KANSL1L: variants seen among roughly 807,000 people sequenced by gnomAD.
KANSL1L encodes KAT8 regulatory NSL complex subunit 1-like protein.
Under a neutral mutation model 108.6 loss-of-function variants are expected in KANSL1L, and 25 were observed. That is an observed-to-expected ratio of 0.23 (90% CI 0.17 to 0.32). The LOEUF is 0.32. KANSL1L is among the 10% of genes least tolerant of loss of function. The pLI is 1.00. For missense variants in KANSL1L, 1,137 were observed against 1,125.7 expected (o/e 1.01, Z -0.14); for synonymous variants, 405 against 395.1 (o/e 1.03, Z -0.30).
chr2:210,085,923 TTAA>T (rs1419695738), intron 5 of KANSL1L, among the ~76,000 whole-genome samples: 12 of 149,738 alleles, frequency 8.0e-5, no homozygotes, highest in African/African-American at 2.7e-4. Flanking sequence ...TAAATATTTA[TTAA>T]TAATTATTAT....
chr2:210,045,375 T>C (rs1460095494), intron 6 of KANSL1L, among the ~76,000 whole-genome samples: 3 of 152,226 alleles, frequency 2.0e-5, no homozygotes, highest in Admixed American at 6.5e-5. Context: ...ATACAAATTA[T>C]TCCTTTTACC....
At chr2:210,155,703 C>T (rs2095329360) in intron 1 of KANSL1L, among the ~76,000 whole-genome samples, 1 of 152,094 alleles carries the variant, frequency 6.6e-6, no homozygotes, top group Admixed American at 6.5e-5. Flanking sequence ...AAAGGCAACC[C>T]AGTACCCTTA....
intron 6 of KANSL1L, among the ~76,000 whole-genome samples, chr2:210,073,496 G>C (rs1048897197): frequency 2.0e-5 from 3 of 150,830 alleles, no homozygotes; most frequent in Non-Finnish European, 4.4e-5. Flanking sequence ...AGGAGTTCAA[G>C]ACCAGCCTGG....
At chr2:210,042,039 T>C (rs892961008) in intron 7 of KANSL1L, among the ~76,000 whole-genome samples, 5 of 152,236 alleles carry the variant, frequency 3.3e-5, no homozygotes, top group African/African-American at 9.6e-5. Context: ...TTTGTTGCAT[T>C]TGTTTCTCCA....
At chr2:210,124,106 G>A (rs971167057) in intron 3 of KANSL1L, among the ~76,000 whole-genome samples, 9 of 152,006 alleles carry the variant, frequency 5.9e-5, no homozygotes, top group African/African-American at 2.2e-4. Flanking sequence ...CAACTAGATG[G>A]AAGATAAGTA....
intron 3 of KANSL1L, among the ~76,000 whole-genome samples, chr2:210,110,202 T>C (rs1376452191): frequency 6.6e-6 from 1 of 152,212 alleles, no homozygotes; most frequent in Non-Finnish European, 1.5e-5. Flanking sequence ...GGGATTCTCA[T>C]AAGCTATTAA....
chr2:210,140,472 T>C (rs2095217780), intron 2 of KANSL1L, among the ~76,000 whole-genome samples: 1 of 152,206 alleles, frequency 6.6e-6, no homozygotes, highest in African/African-American at 2.4e-5. Context: ...CATAAATGCA[T>C]GGATTTATTT....
chr2:210,121,757 T>G (rs950691849), intron 3 of KANSL1L, among the ~76,000 whole-genome samples: 1 of 152,216 alleles, frequency 6.6e-6, no homozygotes, highest in Non-Finnish European at 1.5e-5. Flanking sequence ...AAATTATCCT[T>G]GTTTGCACGT....
intron 2 of KANSL1L, among the ~76,000 whole-genome samples, chr2:210,139,544 A>T (rs2095208164): frequency 6.6e-6 from 1 of 152,094 alleles, no homozygotes; most frequent in Non-Finnish European, 1.5e-5. Flanking sequence ...GTTTCCTTTT[A>T]TCTGTATCCT....
At chr2:210,087,409 T>C (rs2094648350) in intron 5 of KANSL1L, among the ~76,000 whole-genome samples, 1 of 152,118 alleles carries the variant, frequency 6.6e-6, no homozygotes, top group South Asian at 2.1e-4. Context: ...TCTATCACAT[T>C]GGTTATCTGA....
intron 5 of KANSL1L, 43 bp from the exon 6 acceptor site, chr2:210,075,799 A>G: frequency 2.2e-6 from 3 of 1,371,082 alleles, no homozygotes; most frequent in Non-Finnish European, 3.1e-6. Flanking sequence ...AGGGAATAAA[A>G]CAAAACAAAA....
chr2:210,070,819 ATATG>A (rs1352699265), intron 6 of KANSL1L, among the ~76,000 whole-genome samples: 3 of 152,142 alleles, frequency 2.0e-5, no homozygotes, highest in African/African-American at 7.2e-5. Flanking sequence ...TTGCTCTGTT[ATATG>A]TATATGTAAT....
At chr2:210,100,411 A>C (rs910363233) in intron 4 of KANSL1L, among the ~76,000 whole-genome samples, 3 of 152,226 alleles carry the variant, frequency 2.0e-5, no homozygotes. Flanking sequence ...TTATCTAACA[A>C]TGCAAGCATT....
At chr2:210,150,829 G>A (rs1210999191) in intron 2 of KANSL1L, among the ~76,000 whole-genome samples, 4 of 150,596 alleles carry the variant, frequency 2.7e-5, no homozygotes, top group Middle Eastern at 6.9e-3. Flanking sequence ...GAAATTATCA[G>A]AAAGTGCAAA....
intron 5 of KANSL1L, among the ~76,000 whole-genome samples, chr2:210,076,128 T>C (rs1396324215): frequency 6.6e-6 from 1 of 152,134 alleles, no homozygotes; most frequent in Non-Finnish European, 1.5e-5. Flanking sequence ...AGATTACAGG[T>C]TTTTAAAAGA....
At chr2:210,111,536 G>A (rs541913780) in intron 3 of KANSL1L, among the ~76,000 whole-genome samples, 1 of 152,216 alleles carries the variant, frequency 6.6e-6, no homozygotes, top group South Asian at 2.1e-4. Context: ...GAAGGTTATA[G>A]AAATGTCCTA....
At chr2:210,108,277 T>C (rs954827010) in intron 3 of KANSL1L, among the ~76,000 whole-genome samples, 7 of 152,118 alleles carry the variant, frequency 4.6e-5, no homozygotes, top group African/African-American at 1.7e-4. Flanking sequence ...ATAAACATAA[T>C]GATATTCTTA....
intron 6 of KANSL1L, among the ~76,000 whole-genome samples, chr2:210,059,903 G>A (rs1173734492): frequency 6.6e-6 from 1 of 151,948 alleles, no homozygotes; most frequent in Non-Finnish European, 1.5e-5. Flanking sequence ...CACCACGCCT[G>A]GCTAATTTTT....
chr2:210,137,733 T>C (rs911050199), intron 2 of KANSL1L, among the ~76,000 whole-genome samples: 2 of 152,076 alleles, frequency 1.3e-5, no homozygotes, highest in Non-Finnish European at 2.9e-5. Flanking sequence ...TAATATAATA[T>C]TAATTCTATA....
Sources: allele counts gnomAD v4.1 joint callset (sites outside exome capture counted in the v4.1 genomes callset), GRCh38; gene constraint gnomAD v4.1.1; transcripts MANE v1.5; gene names NCBI Gene and HGNC (gene_info 2026-07-23, HGNC 2026-07-21).